The following ZNF717 variants were observed in gnomAD, a reference collection of about 807,000 sequenced individuals.
ZNF717 encodes the protein krueppel-like factor X17.
A neutral mutation model predicts 13.8 loss-of-function variants in ZNF717; 9 were observed. That is an observed-to-expected ratio of 0.65 (90% CI 0.39 to 1.14). The LOEUF is 1.14. ZNF717 is among the 50% of genes most tolerant of loss of function. The pLI is 0.01. For missense variants in ZNF717, 1,040 were observed against 1,080.7 expected, an observed-to-expected ratio of 0.96 and a Z score of 0.53; for synonymous variants, 327 against 364.1, an observed-to-expected ratio of 0.90 and a Z score of 1.16.
chr3:75,756,970 G>T (rs1232105837), intron 2 of ZNF717, among the ~76,000 whole-genome samples: 1 of 148,542 alleles, frequency 6.7e-6, no homozygotes, highest in Non-Finnish European at 1.5e-5. Context: ...CAGCCACAGC[G>T]CCCGGCCTCT....
At chr3:75,770,272 A>G (rs1943786186) in intron 2 of ZNF717, among the ~76,000 whole-genome samples, 1 of 152,262 alleles carries the variant, frequency 6.6e-6, no homozygotes, top group Non-Finnish European at 1.5e-5. Context: ...AATGAAAACA[A>G]GAAGCAGGCC....
intron 4 of ZNF717, among the ~76,000 whole-genome samples, chr3:75,722,651 C>T (rs1260312092): frequency 1.3e-5 from 2 of 151,718 alleles, no homozygotes; most frequent in Admixed American, 6.6e-5. Context: ...CCCGTCTCTA[C>T]TAAAAATACA....
downstream of ZNF717, chr3:75,732,107 G>C: frequency 2.8e-6 from 2 of 702,952 alleles, no homozygotes; most frequent in South Asian, 3.0e-5. Context: ...GAGAAAACTT[G>C]CTTCTTGCTT....
chr3:75,711,607 G>A (rs1386913102), intron 5 of ZNF717, among the ~76,000 whole-genome samples: 2 of 152,056 alleles, frequency 1.3e-5, no homozygotes, highest in African/African-American at 4.8e-5. Context: ...ATCAGCCTGG[G>A]CAATATGGAG....
intron 4 of ZNF717, among the ~76,000 whole-genome samples, chr3:75,720,719 A>T (rs1487290994): frequency 1.3e-5 from 2 of 152,278 alleles, no homozygotes; most frequent in Admixed American, 1.3e-4. Context: ...ACAGTGGCTC[A>T]TATTTGTAAA....
downstream of ZNF717, among the ~76,000 whole-genome samples, chr3:75,706,785 T>C (rs1937811560): frequency 6.6e-6 from 1 of 152,290 alleles, no homozygotes; most frequent in African/African-American, 2.4e-5. Flanking sequence ...ATAGGAGTAT[T>C]AACTTCATAT....
At position 75,737,435 on chromosome 3, in the gene ZNF717, G is replaced by C. The variant is rs201102396; in HGVS notation, c.2188C>G (p.Pro730Ala). ...TTTTCCACATTTGCTACATTCATAG[G>C]GTTTCTCCCCCGTGTGAATACCTTG... ...SIKVFTRGRN[P>A]MNVANVEKPC... Residue 730 changes from proline (P) to alanine (A), a missense_variant, in exon 5 of 5, where the codon CCT (proline) becomes GCT (alanine). Pro to Ala is a conservative substitution (Grantham distance 27). Transcript: ENST00000652011. 6.8e-4 allele frequency: 955 copies of C among 1,413,252 alleles called. No homozygotes were observed. The East Asian group carries it at 0.012, about 17-fold the overall frequency. 87.5% of individuals were successfully genotyped at this position (1,413,252 alleles called of 1,614,324 possible).
At chr3:75,710,841 T>C (rs1937916018) in exon 6 of ZNF717, 2 of 152,166 alleles carry the variant, frequency 1.3e-5, no homozygotes, top group Non-Finnish European at 2.9e-5. Context: ...TTGAAAAGAA[T>C]GCACACATTT....
At chr3:75,760,203 ATAT>A (rs1942863235) in intron 2 of ZNF717, among the ~76,000 whole-genome samples, 2 of 118,588 alleles carry the variant, frequency 1.7e-5, no homozygotes, top group African/African-American at 3.1e-5. Context: ...TAACTTTTAT[ATAT>A]TTTTTTTTTC....
chr3:75,779,082 C>T (rs532600116), intron 2 of ZNF717, among the ~76,000 whole-genome samples: 3 of 142,780 alleles, frequency 2.1e-5, no homozygotes, highest in South Asian at 2.3e-4. Context: ...ATGGGAGTGA[C>T]CTGCTAAACT....
chr3:75,738,369 T>A lies in ZNF717; in HGVS notation c.1254A>T (p.Thr418=), dbSNP rs76264776. The A allele has an allele frequency of 1.5e-5, 22 of 1,465,044 alleles. No homozygotes were observed. In the African/African-American group the frequency reaches 1.8e-4, roughly 12 times the overall value. 90.8% of individuals were successfully genotyped at this position (1,465,044 alleles called of 1,614,324 possible). A position where few individuals can be genotyped will look rare whatever the true frequency, so the allele number is the denominator to read the frequency against. The change falls in exon 5 of 5, where the codon ACA becomes ACT. Residue 418 remains threonine (T), a synonymous_variant. Transcript: ENST00000652011. The stretch of plus-strand genomic sequence containing the variant: ...GGTCACATGCATAGGGCTTTTCCCC[T>A]GTGTGAGTTCTATGATGTATTGTGA... ...SYLTIHHRTH[T]GEKPYACDHC... is the part of the protein sequence containing the mutation.
At chr3:75,713,036 C>A (rs1217025707) in intron 5 of ZNF717, among the ~76,000 whole-genome samples, 10 of 151,932 alleles carry the variant, frequency 6.6e-5, no homozygotes, top group African/African-American at 2.4e-4. Context: ...TGCTGGAGCC[C>A]AAGAGTTCGA....
intron 2 of ZNF717, among the ~76,000 whole-genome samples, chr3:75,749,205 G>A (rs1941454160): frequency 6.6e-6 from 1 of 151,426 alleles, no homozygotes; most frequent in African/African-American, 2.4e-5. Context: ...GGGTCTGAAT[G>A]TTTGTCCCTC....
intron 4 of ZNF717, among the ~76,000 whole-genome samples, chr3:75,717,431 A>G (rs1938078218): frequency 1.3e-5 from 2 of 152,264 alleles, no homozygotes; most frequent in Non-Finnish European, 2.9e-5. Context: ...AAGTTGAAGA[A>G]CAATCAAGTC....
chr3:75,705,818 C>G (rs796159442), downstream of ZNF717, among the ~76,000 whole-genome samples: 2 of 151,990 alleles, frequency 1.3e-5, no homozygotes, highest in African/African-American at 2.4e-5. Context: ...AAAACTAAAA[C>G]AATTTTCAGA....
At chr3:75,707,289 A>G (rs1288420236), downstream of ZNF717, among the ~76,000 whole-genome samples, 17 of 152,198 alleles carry the variant, frequency 1.1e-4, no homozygotes, top group South Asian at 2.1e-4. Context: ...TATTAAGGCC[A>G]TAAGAGTCCC....
At chr3:75,758,811 C>T (rs1053807502) in intron 2 of ZNF717, among the ~76,000 whole-genome samples, 10 of 151,036 alleles carry the variant, frequency 6.6e-5, no homozygotes, top group Non-Finnish European at 8.8e-5. Context: ...CCCAGGACGT[C>T]GAGGCAACAT....
intron 2 of ZNF717, among the ~76,000 whole-genome samples, chr3:75,777,145 G>GA (rs1944381741): frequency 6.7e-6 from 1 of 149,382 alleles, no homozygotes; most frequent in Non-Finnish European, 1.5e-5. Context: ...AAGAAATTAA[G>GA]AAAAAATGTG....
At chr3:75,751,845 C>T (rs1188293380) in intron 2 of ZNF717, among the ~76,000 whole-genome samples, 1 of 151,742 alleles carries the variant, frequency 6.6e-6, no homozygotes, top group African/African-American at 2.4e-5. Context: ...GAGTGTTTCT[C>T]CCTCACGTAA....
Sources: gnomAD v4.1 joint callset for allele counts (sites outside exome capture counted in the v4.1 genomes callset) on GRCh38, gnomAD v4.1.1 for gene constraint, MANE v1.5 for transcripts, NCBI Gene and HGNC (gene_info 2026-07-23, HGNC 2026-07-21) for gene names.